WDFY2: variants seen among roughly 807,000 people sequenced by gnomAD.
The protein encoded by WDFY2 is WD repeat and FYVE domain-containing protein 2.
In WDFY2, 36 loss-of-function variants were observed where a neutral mutation model predicts 56.4. The ratio of observed to expected loss-of-function variants is 0.64; its 90% CI spans 0.49 to 0.84. WDFY2 has a LOEUF of 0.84. Among genes scored for constraint, WDFY2 ranks in the 40% least tolerant of loss-of-function variants. The pLI is 0.00. For missense variants in WDFY2, 444 were observed against 512.2 expected, an observed-to-expected ratio of 0.87 and a Z score of 1.29; for synonymous variants, 176 against 183.7, an observed-to-expected ratio of 0.96 and a Z score of 0.34.
At chr13:51,608,408 G>T (rs2138328465) in intron 1 of WDFY2, among the ~76,000 whole-genome samples, 1 of 152,324 alleles carries the variant, frequency 6.6e-6, no homozygotes, top group Non-Finnish European at 1.5e-5. Context: ...TTGGCTGGGT[G>T]TGGTGGCTCA....
At chr13:51,644,947 A>T (rs1318568888) in intron 1 of WDFY2, among the ~76,000 whole-genome samples, 1 of 152,188 alleles carries the variant, frequency 6.6e-6, no homozygotes. Context: ...AAAGATACAC[A>T]GTGCATTGTA....
intron 1 of WDFY2, among the ~76,000 whole-genome samples, chr13:51,619,444 A>C (rs1031064245): frequency 7.2e-5 from 11 of 152,224 alleles, no homozygotes; most frequent in East Asian, 1.9e-4. Flanking sequence ...AAAAAAAAAA[A>C]AACAAAAAAC....
intron 3 of WDFY2, among the ~76,000 whole-genome samples, chr13:51,677,536 CAAAT>C (rs1394197108): frequency 6.6e-6 from 1 of 152,016 alleles, no homozygotes. Flanking sequence ...CTGGTTATAA[CAAAT>C]AAATTTTAAG....
At chr13:51,649,219 G>A (rs144087271) in intron 1 of WDFY2, among the ~76,000 whole-genome samples, 4 of 152,224 alleles carry the variant, frequency 2.6e-5, no homozygotes, top group South Asian at 4.1e-4. Context: ...ACTTCATCTT[G>A]GTATTTTTAG....
At chr13:51,599,706 T>G (rs1404143004) in intron 1 of WDFY2, among the ~76,000 whole-genome samples, 9 of 152,210 alleles carry the variant, frequency 5.9e-5, no homozygotes, top group Admixed American at 5.9e-4. Flanking sequence ...AGCTTACTTT[T>G]GTTAAAACTT....
At chr13:51,599,913 C>A (rs956109400) in intron 1 of WDFY2, among the ~76,000 whole-genome samples, 1 of 151,258 alleles carries the variant, frequency 6.6e-6, no homozygotes, top group Non-Finnish European at 1.5e-5. Flanking sequence ...AAAAACAAAA[C>A]AAAAAAACCA....
intron 1 of WDFY2, among the ~76,000 whole-genome samples, chr13:51,653,510 G>GT (rs1407944475): frequency 2.0e-5 from 3 of 152,162 alleles, no homozygotes; most frequent in African/African-American, 4.8e-5. Flanking sequence ...TTTCTGCTCT[G>GT]TTTTTTCCCC....
At chr13:51,758,364 A>C in intron 11 of WDFY2, 64 bp downstream of exon 11, 1 of 1,251,380 alleles carries the variant, frequency 8.0e-7, no homozygotes, top group Non-Finnish European at 1.1e-6. Flanking sequence ...CAGGAGCACC[A>C]AGAACATGGG....
chr13:51,619,178 T>TCTTCAAAAACAGGCAAATAAAGAACTC (rs1465082567), intron 1 of WDFY2, among the ~76,000 whole-genome samples: 9 of 152,166 alleles, frequency 5.9e-5, no homozygotes. Flanking sequence ...CGAGGCTGCA[T>TCTTCAAAAACAGGCAAATAAAGAACTC]GTGGTGGCTC....
At chr13:51,628,340 C>G (rs560287089) in intron 1 of WDFY2, among the ~76,000 whole-genome samples, 1 of 152,254 alleles carries the variant, frequency 6.6e-6, no homozygotes, top group South Asian at 2.1e-4. Context: ...ACGGCAGTGC[C>G]TGGGCTTTGC....
intron 5 of WDFY2, among the ~76,000 whole-genome samples, chr13:51,720,292 A>G (rs1164469366): frequency 1.3e-5 from 2 of 152,208 alleles, no homozygotes; most frequent in African/African-American, 2.4e-5. Flanking sequence ...ATATGCTAAT[A>G]TCACTCTTAT....
At chr13:51,654,213 A>C (rs552813531) in intron 1 of WDFY2, among the ~76,000 whole-genome samples, 4 of 152,314 alleles carry the variant, frequency 2.6e-5, no homozygotes, top group African/African-American at 9.6e-5. Flanking sequence ...CAGGCGCGGG[A>C]TACAATCTCC....
intron 1 of WDFY2, among the ~76,000 whole-genome samples, chr13:51,602,275 G>A (rs2138315163): frequency 6.6e-6 from 1 of 152,290 alleles, no homozygotes; most frequent in East Asian, 1.9e-4. Flanking sequence ...ACATTGTAGT[G>A]CAACTTTTTC....
intron 1 of WDFY2, among the ~76,000 whole-genome samples, chr13:51,660,301 A>G (rs890467026): frequency 6.6e-6 from 1 of 150,908 alleles, no homozygotes; most frequent in Non-Finnish European, 1.5e-5. Context: ...TGTTCAAGTG[A>G]TTCTCCTGCC....
chr13:51,719,173 T>C, intron 4 of WDFY2, 25 bp from the exon 5 acceptor site: 2 of 1,614,018 alleles, frequency 1.2e-6, no homozygotes, highest in Non-Finnish European at 1.7e-6. Context: ...CTTTATAGGT[T>C]GTTTTCTTTT....
intron 3 of WDFY2, among the ~76,000 whole-genome samples, chr13:51,694,268 C>G (rs757302953): frequency 2.6e-5 from 4 of 152,210 alleles, no homozygotes; most frequent in African/African-American, 7.2e-5. Flanking sequence ...GATGCAGTTT[C>G]TTCCTAGCCT....
chr13:51,736,573 A>G (rs1593463865), intron 6 of WDFY2, among the ~76,000 whole-genome samples: 1 of 152,110 alleles, frequency 6.6e-6, no homozygotes, highest in Non-Finnish European at 1.5e-5. Context: ...GCTCACTGCA[A>G]CCCCTGCCTC....
intron 5 of WDFY2, among the ~76,000 whole-genome samples, chr13:51,722,468 A>G (rs1952512567): frequency 6.6e-6 from 1 of 152,220 alleles, no homozygotes; most frequent in South Asian, 2.1e-4. Flanking sequence ...AATAGGAACA[A>G]CAAGAATGAC....
In WDFY2 at chr13:51,765,660, C is replaced by T. The variant is rs1252613068; in HGVS notation, c.*5891C>T. On this transcript the variant is annotated 3_prime_UTR_variant, in exon 12 of 12. Coordinates refer to ENST00000298125, the MANE Select transcript of WDFY2 (RefSeq NM_052950.4). ...CCCTTGGATAACGGAGAGCCTATCA[C>T]CACATGCCTTTGTTGTCTTCCATCA... The T allele has an allele frequency of 6.6e-6, 1 of 152,246 alleles. No individual in the cohort carries two copies. The highest frequency in any genetic ancestry group is 6.5e-5 in the Admixed American group (1 of 15,292). The allele number at this position is 152,246 out of a possible 1,614,324, so 9.4% of individuals were successfully genotyped here.
Sources: gnomAD v4.1 joint callset for allele counts (sites outside exome capture counted in the v4.1 genomes callset) on GRCh38, gnomAD v4.1.1 for gene constraint, MANE v1.5 for transcripts, NCBI Gene and HGNC (gene_info 2026-07-23, HGNC 2026-07-21) for gene names.